Variants in RABEP1 observed in about 807,000 individuals in gnomAD.
RABEP1 encodes rab GTPase-binding effector protein 1.
Under a neutral mutation model 123.4 loss-of-function variants are expected in RABEP1, and 51 were observed. The ratio of observed to expected loss-of-function variants is 0.41; its 90% CI spans 0.33 to 0.52. RABEP1 has a LOEUF of 0.52. Among genes scored for constraint, RABEP1 ranks in the 20% least tolerant of loss-of-function variants. RABEP1 has a pLI of 0.16. For synonymous variants in RABEP1, 347 were observed against 355.2 expected, an observed-to-expected ratio of 0.98 and a Z score of 0.26; for missense variants, 888 against 996.3, an observed-to-expected ratio of 0.89 and a Z score of 1.46.
At chr17:5,331,805 C>G in intron 2 of RABEP1, 144 bp from the exon 3 acceptor site, 1 of 692,062 alleles carries the variant, frequency 1.4e-6, no homozygotes, top group Non-Finnish European at 2.4e-6. Context: ...ATTTGTGATA[C>G]CCAGCTTACC....
chr17:5,374,340 G>A (rs1910801280), intron 13 of RABEP1, among the ~76,000 whole-genome samples: 1 of 151,948 alleles, frequency 6.6e-6, no homozygotes, highest in African/African-American at 2.4e-5. Flanking sequence ...GGCACTTTTG[G>A]TCACTTACAT....
intron 16 of RABEP1, 72 bp downstream of exon 16, chr17:5,380,534 A>C: frequency 8.0e-7 from 1 of 1,246,368 alleles, no homozygotes; most frequent in South Asian, 1.3e-5. Flanking sequence ...TGCTTGTTGA[A>C]AAAAAAATAT....
At chr17:5,359,299 C>T (rs529226511) in intron 8 of RABEP1, among the ~76,000 whole-genome samples, 1 of 152,236 alleles carries the variant, frequency 6.6e-6, no homozygotes, top group Non-Finnish European at 1.5e-5. Context: ...TGGTCTTGAT[C>T]TCCTGACCTT....
In RABEP1 at chr17:5,380,600, A is replaced by G. The variant is rs576901603; in HGVS notation, c.2370+138A>G. The stretch of plus-strand genomic sequence containing the variant: ...TTGGCAAAACTGACAGCTTGTGAAA[A>G]GAAAAAACTTAAACGAATTGATCTA... On this transcript the variant is annotated intron_variant, in intron 16 of 17. Coordinates refer to ENST00000537505, the MANE Select transcript of RABEP1 (RefSeq NM_004703.6). 1.8e-5 allele frequency: 14 copies of G among 761,662 alleles called. No individual in the cohort carries two copies. The East Asian group carries it at 3.6e-4, about 20-fold the overall frequency. The allele number at this position is 761,662 out of a possible 1,614,324, so 47.2% of individuals were successfully genotyped here. A position where few individuals can be genotyped will look rare whatever the true frequency, so the allele number is the denominator to read the frequency against.
chr17:5,341,022 G>A (rs1390180143), intron 5 of RABEP1, among the ~76,000 whole-genome samples: 2 of 149,350 alleles, frequency 1.3e-5, no homozygotes, highest in African/African-American at 4.9e-5. Context: ...AAATAGAAAA[G>A]CAAAAGAACA....
chr17:5,373,055 A>G (rs1191948814), intron 12 of RABEP1, among the ~76,000 whole-genome samples: 2 of 152,116 alleles, frequency 1.3e-5, no homozygotes, highest in African/African-American at 4.8e-5. Flanking sequence ...ACCACACCCA[A>G]CCAAAAGATA....
Position 5,319,334 on chromosome 17 carries a change from A to AC in RABEP1, c.163+10512_163+10513insC, listed in dbSNP as rs1169866442. ...CAGAATGAGACTCTGTCTCAAAAAAAAAAAAAACAAAAAAACAAAAAAAAA... is the reference window on the plus strand; with the variant it reads ...CAGAATGAGACTCTGTCTCAAAAAAACAAAAAAACAAAAAAACAAAAAAAAA... On this transcript the variant is annotated intron_variant, in intron 2 of 17. Coordinates refer to ENST00000537505, the MANE Select transcript of RABEP1 (RefSeq NM_004703.6). Among the ~76,000 whole-genome samples, 239 of 121,940 alleles carry AC rather than the reference A, an allele frequency of 2.0e-3. 2 individuals are homozygous for AC. Among genetic ancestry groups the AC allele is most frequent in the Non-Finnish European group, 2.9e-3 (174 of 59,444 alleles). The allele number at this position is 121,940 out of a possible 152,430, so 80.0% of individuals were successfully genotyped here.
At chr17:5,347,064 T>G (rs763577734) in intron 6 of RABEP1, 139 bp downstream of exon 6, 1 of 712,938 alleles carries the variant, frequency 1.4e-6, no homozygotes, top group Non-Finnish European at 2.1e-6. Context: ...TTGGTTTAAA[T>G]GTACTCATGC....
At chr17:5,301,741 G>A (rs979341198) in intron 1 of RABEP1, among the ~76,000 whole-genome samples, 1 of 151,368 alleles carries the variant, frequency 6.6e-6, no homozygotes, top group African/African-American at 2.4e-5. Context: ...ATATACCAAG[G>A]GTCTCTTAGG....
At chr17:5,362,593 C>G (rs1230557205) in intron 9 of RABEP1, among the ~76,000 whole-genome samples, 1 of 152,192 alleles carries the variant, frequency 6.6e-6, no homozygotes, top group Non-Finnish European at 1.5e-5. Flanking sequence ...TTTTATTTGT[C>G]TTTCCTTCCC....
In RABEP1 at chr17:5,375,890, T is replaced by A. The variant is rs138725503; in HGVS notation, c.2026-1226T>A. Among the ~76,000 whole-genome samples the A allele has an allele frequency of 4.5e-3, 586 of 131,640 alleles. 3 individuals carry two copies. Among genetic ancestry groups the A allele is most frequent in the African/African-American group, 0.015 (552 of 37,842 alleles). 86.4% of individuals were successfully genotyped at this position (131,640 alleles called of 152,430 possible). ...TATTTATTTATTTATTTATTTATTT[T>A]GAGACAGAGTCTTGCTCTGTCACCC... On this transcript the variant is annotated intron_variant, in intron 13 of 17. Transcript: ENST00000537505.
intron 1 of RABEP1, among the ~76,000 whole-genome samples, chr17:5,285,909 C>T (rs1470506464): frequency 6.6e-6 from 1 of 152,094 alleles, no homozygotes; most frequent in Non-Finnish European, 1.5e-5. Context: ...GCCTATTTCC[C>T]TATTGTGGGG....
rs1231735448 is a variant in RABEP1, at chr17:5,385,413, C to G, written c.*2190C>G. The G allele has an allele frequency of 4.4e-6, 1 of 229,210 alleles. No homozygotes were observed. Among genetic ancestry groups the G allele is most frequent in the African/African-American group, 2.2e-5 (1 of 44,758 alleles). The allele number at this position is 229,210 out of a possible 1,614,324, so 14.2% of individuals were successfully genotyped here. On this transcript the variant is annotated 3_prime_UTR_variant, in exon 18 of 18. Coordinates refer to ENST00000537505, the MANE Select transcript of RABEP1 (RefSeq NM_004703.6). Reference sequence around the variant, plus strand: ...AACCTGATTTACCTCTTACCTGTAACCTACCTTATCATGTGGCTTTTAATT... The same window carrying G: ...AACCTGATTTACCTCTTACCTGTAAGCTACCTTATCATGTGGCTTTTAATT...
intron 2 of RABEP1, among the ~76,000 whole-genome samples, chr17:5,327,230 C>T (rs1024894605): frequency 1.3e-5 from 2 of 152,040 alleles, no homozygotes; most frequent in African/African-American, 4.8e-5. Context: ...TGCCTGTAAT[C>T]CCAGCTACTT....
At chr17:5,370,210 G>A (rs771651278) in intron 12 of RABEP1, among the ~76,000 whole-genome samples, 7 of 152,150 alleles carry the variant, frequency 4.6e-5, no homozygotes, top group Non-Finnish European at 8.8e-5. Flanking sequence ...GTCTTTCTGT[G>A]TATGTTTGTA....
intron 8 of RABEP1, among the ~76,000 whole-genome samples, chr17:5,360,074 C>G (rs1191081587): frequency 1.3e-5 from 2 of 152,190 alleles, no homozygotes; most frequent in Non-Finnish European, 2.9e-5. Context: ...CAAAGGAGAC[C>G]TCATAACCCA....
chr17:5,282,341 G>A lies in RABEP1; in HGVS notation c.-146G>A. The A allele has an allele frequency of 3.5e-6, 2 of 574,820 alleles. No homozygotes were observed. Among genetic ancestry groups the A allele is most frequent in the South Asian group, 1.2e-4 (2 of 17,290 alleles). The allele number at this position is 574,820 out of a possible 1,614,324, so 35.6% of individuals were successfully genotyped here. ...GTCCGTCTCTGCCCGCGGCTGTGGC[G>A]GCGCCGGCGGATCCAGCCTTAGCGG... is the stretch of plus-strand genomic sequence containing the variant. On this transcript the variant is annotated 5_prime_UTR_variant, in exon 1 of 18. Transcript: ENST00000537505.
chr17:5,343,670 CTTTTTTT>C (rs753410845), intron 5 of RABEP1, among the ~76,000 whole-genome samples: 16,096 of 100,430 alleles, frequency 0.16, 1,196 homozygotes, highest in African/African-American at 0.3. Flanking sequence ...TTTCTTTTCT[CTTTTTTT>C]TTTTTTTTTT....
chr17:5,318,983 A>G (rs1309956677), intron 2 of RABEP1, among the ~76,000 whole-genome samples: 5 of 152,148 alleles, frequency 3.3e-5, no homozygotes, highest in Non-Finnish European at 7.4e-5. Context: ...CAATGTATAG[A>G]TGTATCAGAA....
Sources: allele counts gnomAD v4.1 joint callset (sites outside exome capture counted in the v4.1 genomes callset), GRCh38; gene constraint gnomAD v4.1.1; transcripts MANE v1.5; gene names NCBI Gene and HGNC (gene_info 2026-07-23, HGNC 2026-07-21).